The following MYOF variants were observed in gnomAD, a reference collection of about 807,000 sequenced individuals.
MYOF encodes the protein fer-1-like 3, myoferlin.
In MYOF, 244 loss-of-function variants were observed where a neutral mutation model predicts 284.2. The ratio of observed to expected loss-of-function variants is 0.86; its 90% confidence interval spans 0.77 to 0.95. The LOEUF is 0.95. MYOF is among the 40% of genes least tolerant of loss of function. The probability of loss-of-function intolerance (pLI) is 0.00; values close to 1 mark genes in which losing one functional copy is unlikely to be tolerated. For synonymous variants in MYOF, 904 were observed against 919.7 expected (o/e 0.98, Z 0.31); for missense variants, 2,496 against 2,560.6 (o/e 0.97, Z 0.54).
chr10:93,410,341 C>T (rs2134129956), intron 5 of MYOF, among the ~76,000 whole-genome samples: 1 of 152,260 alleles, frequency 6.6e-6, no homozygotes, highest in East Asian at 1.9e-4. Context: ...TCCTTTATCC[C>T]TCTACCTTCC....
intron 19 of MYOF, among the ~76,000 whole-genome samples, chr10:93,383,954 G>T (rs1846240287): frequency 6.6e-6 from 1 of 152,162 alleles, no homozygotes; most frequent in Non-Finnish European, 1.5e-5. Flanking sequence ...ATGCTCTCAC[G>T]CAGAGCTTGC....
At chr10:93,367,606 T>C (rs1471479834) in intron 25 of MYOF, among the ~76,000 whole-genome samples, 1 of 152,098 alleles carries the variant, frequency 6.6e-6, no homozygotes, top group Admixed American at 6.6e-5. Flanking sequence ...AAGACATTCC[T>C]CCTGTTCTGC....
At chr10:93,413,708 G>A (rs917495876) in intron 5 of MYOF, among the ~76,000 whole-genome samples, 1 of 152,212 alleles carries the variant, frequency 6.6e-6, no homozygotes, top group Non-Finnish European at 1.5e-5. Flanking sequence ...GTATTCTCTG[G>A]CTAGGCGCAG....
intron 38 of MYOF, chr10:93,342,040 AT>A: frequency 9.3e-7 from 1 of 1,072,454 alleles, no homozygotes; most frequent in Non-Finnish European, 1.3e-6. Flanking sequence ...CACTTGACCA[AT>A]TTTCCCCGAA....
Position 93,456,893 on chromosome 10 carries a change from C to T in MYOF, c.133G>A (p.Val45Ile), listed in dbSNP as rs1053835661. Reference protein sequence around the residue: ...TKKVDNELNPVWNEILEFDLR... With the variant: ...TKKVDNELNPIWNEILEFDLR... ...AACAATGAAGTCACCTCATTCCAGACAGGGTTCAATTCATTATCAACTTTC... is the reference window on the plus strand; with the variant it reads ...AACAATGAAGTCACCTCATTCCAGATAGGGTTCAATTCATTATCAACTTTC... The change falls in exon 2 of 54, where the codon GTC becomes ATC. Residue 45 changes from valine to isoleucine, a missense_variant. By Grantham distance (29) the Val-to-Ile change is conservative. Around this residue, in one of 3 missense-constraint regions of MYOF, gnomAD observed 57 missense variants for 62.4 expected, o/e 0.91. Coordinates refer to ENST00000359263, the MANE Select transcript of MYOF (RefSeq NM_013451.4). The T allele has an allele frequency of 5.0e-6, 8 of 1,607,882 alleles. No individual in the cohort carries two copies. The highest frequency in any genetic ancestry group is 1.3e-5 in the African/African-American group (1 of 74,728).
intron 25 of MYOF, among the ~76,000 whole-genome samples, chr10:93,369,318 A>G (rs1027122396): frequency 3.3e-5 from 5 of 151,920 alleles, no homozygotes; most frequent in Admixed American, 6.6e-5. Flanking sequence ...CAATAAGATT[A>G]TTACAGAGTT....
intron 5 of MYOF, among the ~76,000 whole-genome samples, chr10:93,410,192 G>A (rs182007838): frequency 9.9e-5 from 15 of 152,194 alleles, no homozygotes; most frequent in African/African-American, 3.6e-4. Flanking sequence ...TTTCCTGCTT[G>A]AGCCTCCTAA....
intron 11 of MYOF, among the ~76,000 whole-genome samples, chr10:93,401,799 G>A (rs1339057375): frequency 2.8e-5 from 1 of 35,256 alleles, no homozygotes; most frequent in African/African-American, 8.5e-5. Flanking sequence ...GTGCGTGTGT[G>A]TGTGTGTGTG....
chr10:93,424,295 G>A (rs1187885672), intron 5 of MYOF, among the ~76,000 whole-genome samples: 1 of 152,196 alleles, frequency 6.6e-6, no homozygotes, highest in East Asian at 1.9e-4. Flanking sequence ...GCCTTGTGCA[G>A]GCCAGAAAGC....
At chr10:93,329,449 G>A (rs1218817539) in intron 44 of MYOF, among the ~76,000 whole-genome samples, 1 of 152,218 alleles carries the variant, frequency 6.6e-6, no homozygotes, top group African/African-American at 2.4e-5. Flanking sequence ...GCACAGCACT[G>A]CTCCAGCTGC....
intron 1 of MYOF, among the ~76,000 whole-genome samples, chr10:93,459,382 C>A (rs901938790): frequency 6.6e-6 from 1 of 152,240 alleles, no homozygotes; most frequent in Non-Finnish European, 1.5e-5. Flanking sequence ...TCTACAGAAT[C>A]ATCTCTAGGT....
At chr10:93,459,959 C>A (rs559823043) in intron 1 of MYOF, among the ~76,000 whole-genome samples, 2 of 152,172 alleles carry the variant, frequency 1.3e-5, no homozygotes, top group East Asian at 3.9e-4. Flanking sequence ...TGGATCTGGA[C>A]CCTGAGACCA....
chr10:93,385,059 G>GTTGA (rs1032262221), intron 19 of MYOF, among the ~76,000 whole-genome samples: 7 of 152,210 alleles, frequency 4.6e-5, no homozygotes, highest in Admixed American at 2.0e-4. Flanking sequence ...GGAGATTGTA[G>GTTGA]TTGAGTAGGA....
At chr10:93,413,433 C>T (rs1397039319) in intron 5 of MYOF, among the ~76,000 whole-genome samples, 1 of 152,184 alleles carries the variant, frequency 6.6e-6, no homozygotes, top group Non-Finnish European at 1.5e-5. Context: ...TGAGGGGGCC[C>T]CTATGGCACT....
intron 12 of MYOF, 74 bp from the exon 13 acceptor site, chr10:93,399,569 T>A: frequency 1.9e-6 from 2 of 1,047,364 alleles, no homozygotes; most frequent in Non-Finnish European, 2.8e-6. Flanking sequence ...AAAGTTCTCT[T>A]ATACATCAAA....
chr10:93,440,608 C>T (rs1268607746), intron 3 of MYOF, among the ~76,000 whole-genome samples: 1 of 152,152 alleles, frequency 6.6e-6, no homozygotes, highest in African/African-American at 2.4e-5. Flanking sequence ...TATGGAGTAC[C>T]CCCAGTGTCT....
chr10:93,384,959 C>T lies in MYOF; in HGVS notation c.1698+2838G>A, dbSNP rs540300549. ...GTATGTCTACTGAAGGGAGCTGATA[C>T]CTGATGGAGCAGCTGGAAGAACCTG... is the stretch of plus-strand genomic sequence containing the variant. On this transcript the variant is annotated intron_variant, in intron 19 of 53. Coordinates refer to ENST00000359263, the MANE Select transcript of MYOF (RefSeq NM_013451.4). Among the ~76,000 whole-genome samples, 10 of 152,312 alleles carry T rather than the reference C, an allele frequency of 6.6e-5. No homozygotes were observed. The South Asian group carries it at 2.1e-3, about 32-fold the overall frequency.
At chr10:93,363,859 G>A in intron 27 of MYOF, 102 bp downstream of exon 27, 2 of 853,944 alleles carry the variant, frequency 2.3e-6, no homozygotes, top group East Asian at 5.1e-5. Context: ...ATAAGATGGA[G>A]CGGAGGAGAG....
chr10:93,379,937 G>A lies in MYOF; in HGVS notation c.1927C>T (p.Leu643=). 2 of 1,614,146 alleles carry A rather than the reference G, an allele frequency of 1.2e-6. No homozygotes were observed. Among genetic ancestry groups the A allele is most frequent in the Non-Finnish European group, 1.7e-6 (2 of 1,179,984 alleles). ...CTAATATCCTCCCAGTATGAAGTCA[G>A]GGTAACAACTGGCTTGGTGTGGGCC... ...PWAHTKPVVT[L]TSYWEDISHR... is the part of the protein sequence containing the mutation. The change falls in exon 21 of 54, where the codon CTG becomes TTG. Residue 643 remains leucine (L), a synonymous_variant. Transcript: ENST00000359263.
Sources: allele counts gnomAD v4.1 joint callset (sites outside exome capture counted in the v4.1 genomes callset), GRCh38; gene constraint gnomAD v4.1.1; regional missense constraint gnomAD v4.1.1; transcripts MANE v1.5; gene names NCBI Gene and HGNC (gene_info 2026-07-23, HGNC 2026-07-21).